GASK1A: variants seen among roughly 807,000 people sequenced by gnomAD.
GASK1A encodes the protein Golgi-associated kinase 1A.
In GASK1A, 40 loss-of-function variants were observed where a neutral mutation model predicts 41.2. That is an observed-to-expected ratio of 0.97 (90% CI 0.75 to 1.27). The LOEUF is 1.27. Among genes scored for constraint, GASK1A ranks in the 50% most tolerant of loss-of-function variants. The probability of loss-of-function intolerance (pLI) is 0.00; values close to 1 mark genes in which losing one functional copy is unlikely to be tolerated. For missense variants in GASK1A, 678 were observed against 745.1 expected, an observed-to-expected ratio of 0.91 and a Z score of 1.05; for synonymous variants, 316 against 307.1, an observed-to-expected ratio of 1.03 and a Z score of -0.30.
intron 1 of GASK1A, among the ~76,000 whole-genome samples, chr3:43,018,641 G>T (rs530575432): frequency 4.6e-5 from 7 of 152,252 alleles, no homozygotes; most frequent in Admixed American, 6.5e-5. Context: ...AATAAAGGAG[G>T]ACAAGAGACA....
intron 2 of GASK1A, chr3:43,037,204 G>T: frequency 8.8e-7 from 1 of 1,140,978 alleles, no homozygotes; most frequent in Non-Finnish European, 1.3e-6. Context: ...AAATCTGGGG[G>T]ATCGAAGTCC....
At chr3:43,033,868 C>T (rs975731521) in intron 2 of GASK1A, among the ~76,000 whole-genome samples, 3 of 152,218 alleles carry the variant, frequency 2.0e-5, no homozygotes, top group African/African-American at 7.2e-5. Flanking sequence ...GTAATAACTA[C>T]TCAGAATGCA....
chr3:43,004,237 A>G (rs1022852824), intron 1 of GASK1A, among the ~76,000 whole-genome samples: 16 of 152,182 alleles, frequency 1.1e-4, no homozygotes, highest in African/African-American at 3.4e-4. Context: ...GGCCATGGAA[A>G]ATAAAACCAG....
intron 4 of GASK1A, 148 bp from the exon 5 acceptor site, chr3:43,056,028 G>T (rs1575454761): frequency 6.2e-6 from 4 of 640,768 alleles, no homozygotes; most frequent in Admixed American, 5.7e-5. Context: ...GAGATAGCAG[G>T]TGCAGGTCTG....
Position 43,032,757 on chromosome 3 carries a change from G to C in GASK1A, c.494G>C (p.Ser165Thr). Residue 165 changes from serine to threonine, a missense_variant, in exon 2 of 5, where the codon AGT becomes ACT. Physicochemically the swap from Ser to Thr is moderately conservative, Grantham distance 58. Coordinates refer to ENST00000430121, the MANE Select transcript of GASK1A (RefSeq NM_001129908.3). ...GGCAGTCCCATCCAGGAGACACAGA[G>C]TGAGGTGGTCACCCTGGTCAGTCCA... ...QHGSPIQETQ[S>T]EVVTLVSPLP... 6.4e-7 allele frequency: 1 copy of C among 1,551,300 alleles called. No homozygotes were observed. Among genetic ancestry groups the C allele is most frequent in the Non-Finnish European group, 8.7e-7 (1 of 1,146,988 alleles).
intron 2 of GASK1A, among the ~76,000 whole-genome samples, chr3:43,050,014 GT>G (rs36083372): frequency 0.37 from 53,694 of 144,980 alleles, 10,464 homozygotes; most frequent in South Asian, 0.5. Flanking sequence ...GCTTTCAGCA[GT>G]TTTTTTTTTT....
rs72869073 is a variant in GASK1A, at chr3:43,019,913, A to C, written c.4-12354A>C. Among the ~76,000 whole-genome samples, 4 of 152,230 alleles carry C rather than the reference A, an allele frequency of 2.6e-5. No homozygotes were observed. In the South Asian group the frequency reaches 8.3e-4, roughly 32 times the overall value. On this transcript the variant is annotated intron_variant, in intron 1 of 4. Coordinates refer to ENST00000430121, the MANE Select transcript of GASK1A (RefSeq NM_001129908.3). ...AGAGCATGTGATCTGTCTTCTCTCCATCTTCCCTGCCCAGCATGTTATCCC... is the reference window on the plus strand; with the variant it reads ...AGAGCATGTGATCTGTCTTCTCTCCCTCTTCCCTGCCCAGCATGTTATCCC...
intron 2 of GASK1A, 108 bp from the exon 3 acceptor site, chr3:43,053,413 T>A: frequency 7.8e-7 from 1 of 1,276,276 alleles, no homozygotes; most frequent in Non-Finnish European, 1.1e-6. Context: ...TCACCCCTGC[T>A]GTGGCCCCAG....
chr3:43,028,150 A>T (rs962354785), intron 1 of GASK1A, among the ~76,000 whole-genome samples: 31 of 152,238 alleles, frequency 2.0e-4, no homozygotes, highest in African/African-American at 7.5e-4. Flanking sequence ...TTTATCATGC[A>T]GTTGGAGCCT....
chr3:42,988,656 G>T (rs2089324778), intron 1 of GASK1A, among the ~76,000 whole-genome samples: 1 of 152,192 alleles, frequency 6.6e-6, no homozygotes, highest in Non-Finnish European at 1.5e-5. Flanking sequence ...TTGTGAGCAT[G>T]CCATGCAGCG....
rs1035734145 is a variant in GASK1A, at chr3:42,979,589, A to G, written c.-54A>G. ...GGGGCGGCCAAGGGGAGGCGGGATGAGTCTGCGAGCCGGCTGAGCGCGCCG... is the reference window on the plus strand; with the variant it reads ...GGGGCGGCCAAGGGGAGGCGGGATGGGTCTGCGAGCCGGCTGAGCGCGCCG... On this transcript the variant is annotated 5_prime_UTR_variant, in exon 1 of 5. Transcript: ENST00000430121. 11 of 1,239,760 alleles carry G rather than the reference A, an allele frequency of 8.9e-6. No individual in the cohort carries two copies. The highest frequency in any genetic ancestry group is 1.1e-5 in the Non-Finnish European group (11 of 987,550). The allele number at this position is 1,239,760 out of a possible 1,614,324, so 76.8% of individuals were successfully genotyped here.
intron 1 of GASK1A, among the ~76,000 whole-genome samples, chr3:43,029,389 C>G (rs2125685513): frequency 6.6e-6 from 1 of 152,270 alleles, no homozygotes; most frequent in South Asian, 2.1e-4. Flanking sequence ...TGTGCGTCCT[C>G]TTGTGCAGCT....
intron 2 of GASK1A, among the ~76,000 whole-genome samples, chr3:43,045,033 A>G (rs2089655652): frequency 2.0e-5 from 3 of 152,142 alleles, no homozygotes; most frequent in Admixed American, 1.3e-4. Flanking sequence ...TGTGGGGGTA[A>G]ACAGGTGAGG....
intron 1 of GASK1A, 119 bp downstream of exon 1, chr3:42,979,764 AGTT>A: frequency 9.5e-7 from 1 of 1,057,462 alleles, no homozygotes. Context: ...CCGAGGCCGG[AGTT>A]GTTCCCCGAA....
intron 1 of GASK1A, among the ~76,000 whole-genome samples, chr3:43,001,406 T>C (rs2089408466): frequency 6.6e-6 from 1 of 152,098 alleles, no homozygotes; most frequent in African/African-American, 2.4e-5. Flanking sequence ...GGACTTGGCC[T>C]GGCCAGAGCA....
At chr3:43,010,805 A>C (rs1398817087) in intron 1 of GASK1A, among the ~76,000 whole-genome samples, 1 of 152,188 alleles carries the variant, frequency 6.6e-6, no homozygotes, top group Non-Finnish European at 1.5e-5. Flanking sequence ...TAAGATTACA[A>C]TATCCCTGAT....
chr3:43,056,591 T>C lies in GASK1A; in HGVS notation c.*205T>C. The C allele has an allele frequency of 1.9e-6, 1 of 528,086 alleles. No homozygotes were observed. Among genetic ancestry groups the C allele is most frequent in the Non-Finnish European group, 3.4e-6 (1 of 295,196 alleles). The allele number at this position is 528,086 out of a possible 1,614,324, so 32.7% of individuals were successfully genotyped here. On this transcript the variant is annotated 3_prime_UTR_variant, in exon 5 of 5. Coordinates refer to ENST00000430121, the MANE Select transcript of GASK1A (RefSeq NM_001129908.3). ...TTCTGCCTTCTCGGCTCTGGCTATT[T>C]ATTCCCTTGCACCAACAAATACATT...
Position 43,032,845 on chromosome 3 carries a change from G to A in GASK1A, c.582G>A (p.Trp194Ter). 1 of 1,548,532 alleles carries A rather than the reference G, an allele frequency of 6.5e-7. No homozygotes were observed. Among genetic ancestry groups the A allele is most frequent in the Admixed American group, 2.0e-5 (1 of 51,000 alleles). Residue 194 changes from tryptophan (W) to a stop codon, truncating the protein, a stop_gained, in exon 2 of 5, where the codon TGG becomes TGA. Coordinates refer to ENST00000430121, the MANE Select transcript of GASK1A (RefSeq NM_001129908.3). LOFTEE classifies it high-confidence loss of function. ...AWRATSGLTL[W>*]PHTAEGRDLL... Reference sequence around the variant, plus strand: ...GAGCTACTTCTGGGCTGACACTCTGGCCCCATACAGCAGAAGGCAGGGATC... The same window carrying A: ...GAGCTACTTCTGGGCTGACACTCTGACCCCATACAGCAGAAGGCAGGGATC...
chr3:43,040,592 C>T (rs185460356), intron 2 of GASK1A, among the ~76,000 whole-genome samples: 26 of 152,222 alleles, frequency 1.7e-4, no homozygotes, highest in African/African-American at 5.8e-4. Flanking sequence ...ACAGGTTATG[C>T]CTCTCCATCT....
Sources: allele counts gnomAD v4.1 joint callset (sites outside exome capture counted in the v4.1 genomes callset), GRCh38; gene constraint gnomAD v4.1.1; transcripts MANE v1.5; gene names NCBI Gene and HGNC (gene_info 2026-07-23, HGNC 2026-07-21).